TENM1: variants seen among roughly 807,000 people sequenced by gnomAD.
TENM1 encodes the protein teneurin-1.
A neutral mutation model predicts 174.8 loss-of-function variants in TENM1; 35 were observed. That is an observed-to-expected ratio of 0.20 (90% confidence interval 0.15 to 0.27). The LOEUF is 0.27. Ranked by LOEUF, TENM1 falls within the 10% of genes least tolerant of loss-of-function variation. The pLI, the probability that TENM1 is intolerant of heterozygous loss-of-function variation, is 1.00. For missense variants in TENM1, 1,633 were observed against 2,130.1 expected, an observed-to-expected ratio of 0.77 and a Z score of 4.59; for synonymous variants, 781 against 798.7, an observed-to-expected ratio of 0.98 and a Z score of 0.37.
the TENM1 span, among the ~76,000 whole-genome samples, chrX:125,154,749 G>A: frequency 1.8e-5 from 2 of 110,476 alleles, no homozygotes; most frequent in Non-Finnish European, 3.8e-5. Context: ...CCTTCTGGGT[G>A]GGTTCGTGGT....
intron 28 of TENM1, among the ~76,000 whole-genome samples, chrX:124,390,336 G>A (rs2060269228): frequency 8.9e-6 from 1 of 112,302 alleles, no homozygotes; most frequent in South Asian, 3.7e-4. Flanking sequence ...ATAGTCTAAA[G>A]GGAAAGTCTT....
At chrX:124,385,169 T>G (rs1207911770) in intron 29 of TENM1, among the ~76,000 whole-genome samples, 1 of 112,544 alleles carries the variant, frequency 8.9e-6, no homozygotes, top group Non-Finnish European at 1.9e-5. Flanking sequence ...CTGACAAAAA[T>G]GCTTTCATTT....
At chrX:124,983,230 A>G in the TENM1 span, among the ~76,000 whole-genome samples, 1 of 111,149 alleles carries the variant, frequency 9.0e-6, no homozygotes, top group East Asian at 2.8e-4. Context: ...AGAAATACAC[A>G]TACTATTTTA....
the TENM1 span, among the ~76,000 whole-genome samples, chrX:125,070,392 T>C: frequency 1.8e-5 from 2 of 111,066 alleles, no homozygotes; most frequent in African/African-American, 6.5e-5. Context: ...GTTTTTTCCT[T>C]GTTGTTTGAG....
At chrX:124,542,652 T>G (rs2048346903) in intron 15 of TENM1, among the ~76,000 whole-genome samples, 1 of 111,256 alleles carries the variant, frequency 9.0e-6, no homozygotes, top group Admixed American at 9.6e-5. Context: ...AACATACACA[T>G]TCTTCTCATA....
exon 30 of TENM1, chrX:124,383,728 T>C (rs772479560): frequency 5.0e-6 from 6 of 1,208,159 alleles, no homozygotes; most frequent in Non-Finnish European, 6.7e-6. Context: ...GGTTCAACTG[T>C]TTCCATATGT....
chrX:124,981,084 A>G, the TENM1 span, among the ~76,000 whole-genome samples: 5 of 111,693 alleles, frequency 4.5e-5, no homozygotes, highest in African/African-American at 1.6e-4. Context: ...ACTTTTTCCA[A>G]TATTGAACTT....
chrX:124,739,896 CCTT>C (rs1335216174), intron 3 of TENM1, among the ~76,000 whole-genome samples: 1 of 112,251 alleles, frequency 8.9e-6, no homozygotes, highest in African/African-American at 3.2e-5. Flanking sequence ...CAGATAATCA[CCTT>C]CTGTGTTCCC....
chrX:125,093,084 C>T, the TENM1 span, among the ~76,000 whole-genome samples: 1 of 111,858 alleles, frequency 8.9e-6, no homozygotes, highest in African/African-American at 3.3e-5. Context: ...CACTTCTCTA[C>T]AGAACTAATT....
At chrX:124,693,413 T>C (rs2052575342) in intron 5 of TENM1, among the ~76,000 whole-genome samples, 1 of 112,037 alleles carries the variant, frequency 8.9e-6, no homozygotes, top group African/African-American at 3.2e-5. Context: ...TATTTGACTA[T>C]CTTCTACAGC....
chrX:124,899,556 C>T (rs1276462810), intron 1 of TENM1, among the ~76,000 whole-genome samples: 1 of 111,365 alleles, frequency 9.0e-6, no homozygotes, highest in Non-Finnish European at 1.9e-5. Flanking sequence ...CATGTCTTTG[C>T]TATTATGAAT....
rs5958586 is a variant in TENM1 at position 124,790,105 on chromosome X, C to T, written c.536-52908G>A. On this transcript the variant is annotated intron_variant, in intron 3 of 31. Transcript: ENST00000422452. Reference sequence around the variant, plus strand: ...AAAAGAGAGCTTGTGCAGGGCAACTCCCCTTTTTAAAACCATCAGATCTCA... The same window carrying T: ...AAAAGAGAGCTTGTGCAGGGCAACTTCCCTTTTTAAAACCATCAGATCTCA... 4.4e-3 allele frequency among the ~76,000 whole-genome samples: 493 copies of T among 111,361 alleles called. 2 individuals carry two copies. The highest frequency in any genetic ancestry group is 0.015 in the African/African-American group (461 of 30,583).
chrX:124,765,681 G>A (rs1476637939), intron 3 of TENM1, among the ~76,000 whole-genome samples: 1 of 111,938 alleles, frequency 8.9e-6, no homozygotes, highest in Non-Finnish European at 1.9e-5. Flanking sequence ...TTTGCCAAAG[G>A]CTAACTTCAG....
At chrX:124,933,906 AATTT>A (rs1237263110) in intron 1 of TENM1, among the ~76,000 whole-genome samples, 3 of 111,664 alleles carry the variant, frequency 2.7e-5, no homozygotes, top group Non-Finnish European at 3.8e-5. Flanking sequence ...TATTTTGCAC[AATTT>A]ATTTTCCACC....
intron 3 of TENM1, among the ~76,000 whole-genome samples, chrX:124,877,881 C>T (rs1228946111): frequency 9.0e-6 from 1 of 111,444 alleles, no homozygotes; most frequent in African/African-American, 3.3e-5. Context: ...GTATTATATA[C>T]TTAATTCTTA....
intron 4 of TENM1, among the ~76,000 whole-genome samples, chrX:124,714,849 C>T (rs922422372): frequency 9.0e-6 from 1 of 111,457 alleles, no homozygotes; most frequent in Non-Finnish European, 1.9e-5. Context: ...GACCTCAAAA[C>T]TAATTAAAAT....
intron 1 of TENM1, among the ~76,000 whole-genome samples, chrX:124,941,222 C>A (rs1458640767): frequency 8.9e-6 from 1 of 111,928 alleles, no homozygotes; most frequent in Non-Finnish European, 1.9e-5. Flanking sequence ...CTAAAAATCT[C>A]TTTTTTCAAA....
At chrX:124,782,459 T>C (rs1309390432) in intron 3 of TENM1, among the ~76,000 whole-genome samples, 1 of 111,016 alleles carries the variant, frequency 9.0e-6, no homozygotes, top group Non-Finnish European at 1.9e-5. Flanking sequence ...CATGACCATA[T>C]ATACCATACC....
chrX:124,981,468 CA>C, the TENM1 span, among the ~76,000 whole-genome samples: 2 of 111,915 alleles, frequency 1.8e-5, no homozygotes, highest in Admixed American at 1.9e-4. Context: ...AGGGAGGAAG[CA>C]GTAGAATTTT....
Sources: gnomAD v4.1 joint callset for allele counts (sites outside exome capture counted in the v4.1 genomes callset) on GRCh38, gnomAD v4.1.1 for gene constraint, MANE v1.5 for transcripts, NCBI Gene and HGNC (gene_info 2026-07-23, HGNC 2026-07-21) for gene names.